PAN3: variants seen among roughly 807,000 people sequenced by gnomAD.
PAN3 encodes the protein poly(A) specific ribonuclease subunit PAN3.
In PAN3, 19 loss-of-function variants were observed where a neutral mutation model predicts 96.2. The observed-to-expected ratio is 0.20, with a 90% confidence interval of 0.14 to 0.29. PAN3 has a LOEUF of 0.29. PAN3 is among the 10% of genes least tolerant of loss of function. PAN3 has a pLI of 1.00. For missense variants in PAN3, 882 were observed against 1,108.1 expected, an observed-to-expected ratio of 0.80 and a Z score of 2.90; for synonymous variants, 433 against 406.6, an observed-to-expected ratio of 1.06 and a Z score of -0.78.
chr13:28,143,582 C>T lies in PAN3; in HGVS notation c.430+4495C>T, dbSNP rs1050674131. On this transcript the variant is annotated intron_variant, in intron 1 of 18. Transcript: ENST00000380958. ...CTCTTTGACTAGCTTTGTGACTGAACGAATTTTTAACCTTTAAGCCTCAGT... is the reference window on the plus strand; with the variant it reads ...CTCTTTGACTAGCTTTGTGACTGAATGAATTTTTAACCTTTAAGCCTCAGT... Among the ~76,000 whole-genome samples, 10 of 152,182 alleles carry T rather than the reference C, an allele frequency of 6.6e-5. 1 individual carries two copies. The highest frequency in any genetic ancestry group is 4.1e-4 in the South Asian group (2 of 4,824).
At chr13:28,290,028 CAGGAGCTGGTA>C (rs2138767474) in intron 18 of PAN3, among the ~76,000 whole-genome samples, 2 of 152,318 alleles carry the variant, frequency 1.3e-5, no homozygotes, top group South Asian at 4.1e-4. Context: ...ATGTATAAAC[CAGGAGCTGGTA>C]AGCCATGGCC....
intron 14 of PAN3, among the ~76,000 whole-genome samples, chr13:28,276,560 G>GT (rs1267843448): frequency 6.6e-6 from 1 of 152,164 alleles, no homozygotes. Context: ...AGTGGGAGAG[G>GT]TTTTAGGAAA....
At chr13:28,224,151 G>A (rs375588475) in intron 6 of PAN3, among the ~76,000 whole-genome samples, 22 of 152,278 alleles carry the variant, frequency 1.4e-4, no homozygotes, top group South Asian at 4.1e-4. Flanking sequence ...GATTACAGGC[G>A]TGAGCAACCG....
At chr13:28,168,667 T>G (rs550669003) in intron 1 of PAN3, among the ~76,000 whole-genome samples, 1 of 150,456 alleles carries the variant, frequency 6.6e-6, no homozygotes, top group East Asian at 2.0e-4. Context: ...TGCAGTGAGC[T>G]GAGATCGTGC....
intron 14 of PAN3, among the ~76,000 whole-genome samples, chr13:28,273,878 A>G (rs1886841486): frequency 6.6e-6 from 1 of 152,202 alleles, no homozygotes; most frequent in Admixed American, 6.5e-5. Flanking sequence ...TTGGAAGAAG[A>G]TTTTAGTTCA....
chr13:28,138,567 C>A lies in PAN3; in HGVS notation c.-91C>A, dbSNP rs187574197. On this transcript the variant is annotated 5_prime_UTR_variant, in exon 1 of 19. Coordinates refer to ENST00000380958, the MANE Select transcript of PAN3 (RefSeq NM_175854.8). ...CCCACCCGCCCAGGCTTTTATCCGG[C>A]ACCGGCAGCGTCTTCCTTTCCTCCC... The A allele has an allele frequency of 3.9e-4, 156 of 396,300 alleles. 1 individual carries two copies. The Admixed American group carries it at 6.6e-3, about 17-fold the overall frequency. 24.5% of individuals were successfully genotyped at this position (396,300 alleles called of 1,614,324 possible).
chr13:28,288,545 G>C (rs1456191484), intron 18 of PAN3, among the ~76,000 whole-genome samples: 2 of 152,180 alleles, frequency 1.3e-5, no homozygotes, highest in African/African-American at 4.8e-5. Flanking sequence ...GCCTGCCTCA[G>C]CCTCCCAAAG....
At chr13:28,263,809 AAATT>A (rs1441441417) in intron 9 of PAN3, among the ~76,000 whole-genome samples, 47 of 152,338 alleles carry the variant, frequency 3.1e-4, no homozygotes, top group African/African-American at 1.1e-3. Context: ...TAAAAAATAA[AAATT>A]AATTTTATCT....
In PAN3 at chr13:28,280,555, A is replaced by ATTTTTTTTTTTTTTTTTTT. The variant is rs35542876; in HGVS notation, c.2319+20_2319+38dup. On this transcript the variant is annotated intron_variant, in intron 16 of 18. Coordinates refer to ENST00000380958, the MANE Select transcript of PAN3 (RefSeq NM_175854.8). ...GACCTTGCAAAGGTAAAGAGTGTAA[A>ATTTTTTTTTTTTTTTTTTT]TTTTTTTTTTTTTTTTTTTTTTTTG... The ATTTTTTTTTTTTTTTTTTT allele has an allele frequency of 1.0e-6, 1 of 972,712 alleles. No homozygotes were observed. Among genetic ancestry groups the ATTTTTTTTTTTTTTTTTTT allele is most frequent in the Non-Finnish European group, 1.3e-6 (1 of 751,552 alleles). The allele number at this position is 972,712 out of a possible 1,614,324, so 60.3% of individuals were successfully genotyped here.
At position 28,152,000 on chromosome 13, in the gene PAN3, A is replaced by G. The variant is rs144058612; in HGVS notation, c.430+12913A>G. Among the ~76,000 whole-genome samples the G allele has an allele frequency of 5.8e-3, 880 of 152,292 alleles. 8 individuals are homozygous for G. The highest frequency in any genetic ancestry group is 0.024 in the Middle Eastern group (7 of 294). On this transcript the variant is annotated intron_variant, in intron 1 of 18. Transcript: ENST00000380958. Reference sequence around the variant, plus strand: ...GAACTGTATGAGTTCACCAAGGAATATGGCTTCTATAAGAACTTGGGAAAC... The same window carrying G: ...GAACTGTATGAGTTCACCAAGGAATGTGGCTTCTATAAGAACTTGGGAAAC...
intron 6 of PAN3, 99 bp from the exon 7 acceptor site, chr13:28,256,190 AGAT>A (rs2138585905): frequency 7.9e-7 from 1 of 1,262,380 alleles, no homozygotes; most frequent in Non-Finnish European, 1.1e-6. Flanking sequence ...ACGATCCCAA[AGAT>A]GATGTTTCTT....
At chr13:28,228,969 A>G (rs1882274941) in intron 6 of PAN3, among the ~76,000 whole-genome samples, 1 of 152,226 alleles carries the variant, frequency 6.6e-6, no homozygotes, top group African/African-American at 2.4e-5. Context: ...GATGCTCTTC[A>G]CATAGCTTAT....
chr13:28,228,771 C>T (rs1439142217), intron 6 of PAN3, among the ~76,000 whole-genome samples: 1 of 152,124 alleles, frequency 6.6e-6, no homozygotes, highest in Non-Finnish European at 1.5e-5. Context: ...CTCTCTCCGC[C>T]ATAGTTAATA....
In PAN3 at chr13:28,143,874, G is replaced by A. The variant is rs75753671; in HGVS notation, c.430+4787G>A. Among the ~76,000 whole-genome samples the A allele has an allele frequency of 8.3e-3, 1,261 of 152,220 alleles. 25 individuals are homozygous for A. The highest frequency in any genetic ancestry group is 0.029 in the African/African-American group (1,191 of 41,532). ...AGCTTTGGAATATGTAATGTGTAGCGTGTGGCAAAGCTGTTTTTGTTTAAG... is the reference window on the plus strand; with the variant it reads ...AGCTTTGGAATATGTAATGTGTAGCATGTGGCAAAGCTGTTTTTGTTTAAG... On this transcript the variant is annotated intron_variant, in intron 1 of 18. Coordinates refer to ENST00000380958, the MANE Select transcript of PAN3 (RefSeq NM_175854.8).
At chr13:28,281,043 A>G (rs764056054) in intron 16 of PAN3, among the ~76,000 whole-genome samples, 16 of 152,268 alleles carry the variant, frequency 1.1e-4, no homozygotes, top group Non-Finnish European at 1.6e-4. Flanking sequence ...CTTTTCATTC[A>G]TGGCTTTGCT....
At chr13:28,150,374 C>G (rs1223793738) in intron 1 of PAN3, among the ~76,000 whole-genome samples, 1 of 151,944 alleles carries the variant, frequency 6.6e-6, no homozygotes, top group Non-Finnish European at 1.5e-5. Flanking sequence ...GCCTGTAATC[C>G]CAGCACTTTG....
At chr13:28,227,997 C>T (rs1882181137) in intron 6 of PAN3, among the ~76,000 whole-genome samples, 1 of 152,138 alleles carries the variant, frequency 6.6e-6, no homozygotes, top group South Asian at 2.1e-4. Flanking sequence ...CATAGCTGAA[C>T]GTGGAGAGTT....
intron 1 of PAN3, among the ~76,000 whole-genome samples, chr13:28,170,047 A>C (rs1234960233): frequency 2.0e-5 from 3 of 152,116 alleles, no homozygotes; most frequent in Non-Finnish European, 4.4e-5. Context: ...ACTCCATCTC[A>C]AAATAATAAT....
chr13:28,221,934 G>A (rs1447493376), intron 6 of PAN3, among the ~76,000 whole-genome samples: 3 of 152,128 alleles, frequency 2.0e-5, no homozygotes, highest in Admixed American at 2.0e-4. Context: ...CTAGACTTCT[G>A]AGCAGTGTTG....
Sources: gnomAD v4.1 joint callset for allele counts (sites outside exome capture counted in the v4.1 genomes callset) on GRCh38, gnomAD v4.1.1 for gene constraint, MANE v1.5 for transcripts, NCBI Gene and HGNC (gene_info 2026-07-23, HGNC 2026-07-21) for gene names.